The following NRG2 variants were observed in gnomAD, a reference collection of about 807,000 sequenced individuals.
NRG2 encodes pro-neuregulin-2, membrane-bound isoform.
NRG2 carries 27 observed loss-of-function variants against 73.9 expected under a neutral mutation model. The ratio of observed to expected loss-of-function variants is 0.37; its 90% CI spans 0.27 to 0.50. The LOEUF is 0.50. Among genes scored for constraint, NRG2 ranks in the 20% least tolerant of loss-of-function variants. The pLI, the probability that NRG2 is intolerant of heterozygous loss-of-function variation, is 0.96. For synonymous variants in NRG2, 532 were observed against 541.0 expected, an observed-to-expected ratio of 0.98 and a Z score of 0.23; for missense variants, 1,126 against 1,210.1, an observed-to-expected ratio of 0.93 and a Z score of 1.03.
At chr5:139,861,239 G>A (rs1762126540) in intron 5 of NRG2, among the ~76,000 whole-genome samples, 1 of 152,170 alleles carries the variant, frequency 6.6e-6, no homozygotes, top group Non-Finnish European at 1.5e-5. Flanking sequence ...CTCACTCTCT[G>A]GCTTCCCCAG....
rs1761809333 is a variant in NRG2, at chr5:139,856,363, G to C, written c.1190-585C>G. 1 of 156,800 alleles carries C rather than the reference G, an allele frequency of 6.4e-6. No individual in the cohort carries two copies. Among genetic ancestry groups the C allele is most frequent in the African/African-American group, 2.4e-5 (1 of 41,560 alleles). The allele number at this position is 156,800 out of a possible 1,614,324, so 9.7% of individuals were successfully genotyped here. ...ATCTAGGAAAGTGCTGGTGTGCAAG[G>C]AACAGCCCCCACCGTTGCTGAGGAG... On this transcript the variant is annotated intron_variant, in intron 5 of 9. Coordinates refer to ENST00000361474, the MANE Select transcript of NRG2 (RefSeq NM_004883.3). This position sits in a 1 kb window ranked among gnomAD's most constrained non-coding sequence, Gnocchi z 4.2.
rs1034690490 is a variant in NRG2, at chr5:139,851,900, A to G, written c.1545-69T>C. 3 of 1,354,992 alleles carry G rather than the reference A, an allele frequency of 2.2e-6. No homozygotes were observed. The highest frequency in any genetic ancestry group is 3.1e-6 in the Non-Finnish European group (3 of 963,032). The allele number at this position is 1,354,992 out of a possible 1,614,324, so 83.9% of individuals were successfully genotyped here. A position where few individuals can be genotyped will look rare whatever the true frequency, so the allele number is the denominator to read the frequency against. ...AGGGCGGCCCAGCAGGTGTGGTCCCATGGACCTCCCTGGCTCTTCTTCCAC... is the reference window on the plus strand; with the variant it reads ...AGGGCGGCCCAGCAGGTGTGGTCCCGTGGACCTCCCTGGCTCTTCTTCCAC... On this transcript the variant is annotated intron_variant, in intron 8 of 9. Coordinates refer to ENST00000361474, the MANE Select transcript of NRG2 (RefSeq NM_004883.3). The surrounding 1 kb of genome is among the most constrained non-coding windows in gnomAD (Gnocchi z 4.2).
At chr5:140,021,427 T>C (rs1460218437) in intron 1 of NRG2, among the ~76,000 whole-genome samples, 1 of 152,192 alleles carries the variant, frequency 6.6e-6, no homozygotes, top group Non-Finnish European at 1.5e-5. Flanking sequence ...CTCCCCACTG[T>C]TTTGCTAGGA....
intron 5 of NRG2, among the ~76,000 whole-genome samples, chr5:139,860,481 G>A (rs1762085205): frequency 6.6e-6 from 1 of 152,054 alleles, no homozygotes; most frequent in African/African-American, 2.4e-5. Flanking sequence ...AGCCCGGGTG[G>A]GGAGCCTCAG....
intron 5 of NRG2, among the ~76,000 whole-genome samples, chr5:139,864,355 TTTTC>T (rs1762337708): frequency 1.3e-5 from 2 of 151,878 alleles, no homozygotes; most frequent in African/African-American, 2.4e-5. Flanking sequence ...CGGGGCTCAC[TTTTC>T]TTTCTTTCTT....
At chr5:139,871,618 CT>C in intron 4 of NRG2, 102 bp downstream of exon 4, 1 of 1,498,130 alleles carries the variant, frequency 6.7e-7, no homozygotes, top group Non-Finnish European at 9.1e-7. Context: ...TTGGGGACCT[CT>C]TGTCAGTGGC....
At chr5:139,944,729 A>T (rs1299579458) in intron 1 of NRG2, among the ~76,000 whole-genome samples, 2 of 152,154 alleles carry the variant, frequency 1.3e-5, no homozygotes, top group East Asian at 1.9e-4. Context: ...TAGGGATGCA[A>T]ATGTCTCTCA....
chr5:139,857,064 GGCC>G (rs1426269599), intron 5 of NRG2, among the ~76,000 whole-genome samples: 1 of 152,174 alleles, frequency 6.6e-6, no homozygotes, highest in Non-Finnish European at 1.5e-5. Context: ...ACAACCTCCA[GGCC>G]GCCAAGTCCT....
intron 1 of NRG2, among the ~76,000 whole-genome samples, chr5:139,924,153 G>A (rs995590147): frequency 6.6e-6 from 1 of 152,212 alleles, no homozygotes; most frequent in Non-Finnish European, 1.5e-5. Context: ...CTGCAAGCTA[G>A]GCAATGGAGG....
chr5:139,848,762 G>C, intron 9 of NRG2, 65 bp from the exon 10 acceptor site: 1 of 692,562 alleles, frequency 1.4e-6, no homozygotes, highest in Non-Finnish European at 2.1e-6. Flanking sequence ...GGGGGGGTTG[G>C]GGGTGGGGTA....
Position 139,954,894 on chromosome 5 carries a change from ATTG to A in NRG2, c.701-67386_701-67384del, listed in dbSNP as rs56825436. Among the ~76,000 whole-genome samples the A allele has an allele frequency of 0.029, 4,439 of 152,204 alleles. 243 individuals carry two copies. Among genetic ancestry groups the A allele is most frequent in the African/African-American group, 0.1 (4,234 of 41,498 alleles). On this transcript the variant is annotated intron_variant, in intron 1 of 9. Coordinates refer to ENST00000361474, the MANE Select transcript of NRG2 (RefSeq NM_004883.3). The surrounding 1 kb of genome is among the most constrained non-coding windows in gnomAD (Gnocchi z 5.0). ...AACATTAGCTATTGGTGTTGTTATT[ATTG>A]TTCTATTCATGATCCTTCCAGTCTG...
chr5:140,003,408 C>T (rs1403711537), intron 1 of NRG2, among the ~76,000 whole-genome samples: 1 of 152,150 alleles, frequency 6.6e-6, no homozygotes, highest in Non-Finnish European at 1.5e-5. Context: ...ACTGTAATCA[C>T]AAGTTTCCTT....
chr5:139,972,685 C>T (rs1381338540), intron 1 of NRG2, among the ~76,000 whole-genome samples: 2 of 152,232 alleles, frequency 1.3e-5, no homozygotes, highest in Non-Finnish European at 2.9e-5. Flanking sequence ...GATTGCACTA[C>T]TGCACTTCAG....
intron 1 of NRG2, among the ~76,000 whole-genome samples, chr5:139,955,588 G>C (rs1754560846): frequency 1.3e-5 from 2 of 152,144 alleles, no homozygotes; most frequent in African/African-American, 4.8e-5. Context: ...ATGTGCCTTG[G>C]ACTGTTGTTA....
Position 139,894,711 on chromosome 5 carries a change from A to C in NRG2, c.701-7200T>G, listed in dbSNP as rs1764447722. 1.3e-5 allele frequency among the ~76,000 whole-genome samples: 2 copies of C among 152,148 alleles called. No individual in the cohort carries two copies. Among genetic ancestry groups the C allele is most frequent in the Non-Finnish European group, 2.9e-5 (2 of 68,030 alleles). ...ATCCATCCAACAAATACCCACATGC[A>C]ACAGTCCCTATGATGTACGAGGCAC... On this transcript the variant is annotated intron_variant, in intron 1 of 9. Transcript: ENST00000361474. This position sits in a 1 kb window ranked among gnomAD's most constrained non-coding sequence, Gnocchi z 5.0.
At chr5:140,038,213 C>T (rs1761652628) in intron 1 of NRG2, among the ~76,000 whole-genome samples, 1 of 152,098 alleles carries the variant, frequency 6.6e-6, no homozygotes, top group Non-Finnish European at 1.5e-5. Flanking sequence ...AGCACACTTG[C>T]TTTGATTAGG....
chr5:139,890,453 TTTTCTTTC>T (rs1163377521), intron 1 of NRG2, among the ~76,000 whole-genome samples: 3 of 145,886 alleles, frequency 2.1e-5, no homozygotes, highest in Non-Finnish European at 4.5e-5. Flanking sequence ...TTTTCTTTTC[TTTTCTTTC>T]TTTCTTTCTT....
chr5:139,903,507 T>C (rs1765019400), intron 1 of NRG2, among the ~76,000 whole-genome samples: 1 of 152,116 alleles, frequency 6.6e-6, no homozygotes, highest in Non-Finnish European at 1.5e-5. Context: ...AGTGCAAGCC[T>C]GGTTCTACGG....
chr5:139,992,004 CT>C (rs202214084), intron 1 of NRG2, among the ~76,000 whole-genome samples: 1,557 of 152,184 alleles, frequency 0.01, 19 homozygotes, highest in African/African-American at 0.036. Context: ...TCTCTCCCTA[CT>C]TTTCTTTTTT....
Sources: gnomAD v4.1 joint callset for allele counts (sites outside exome capture counted in the v4.1 genomes callset) on GRCh38, gnomAD v4.1.1 for gene constraint, Gnocchi (gnomAD v3.1) non-coding constraint, MANE v1.5 for transcripts, NCBI Gene and HGNC (gene_info 2026-07-23, HGNC 2026-07-21) for gene names.